Variants in GRM1 observed in about 807,000 individuals in gnomAD.
The protein encoded by GRM1 is glutamate metabotropic receptor 1.
Under a neutral mutation model 90.9 loss-of-function variants are expected in GRM1, and 33 were observed. The ratio of observed to expected loss-of-function variants is 0.36; its 90% CI spans 0.28 to 0.49. The LOEUF is 0.49. Among genes scored for constraint, GRM1 ranks in the 20% least tolerant of loss-of-function variants. The pLI is 0.99. For synonymous variants in GRM1, 700 were observed against 613.2 expected (o/e 1.14, Z -2.09); for missense variants, 1,190 against 1,534.3 (o/e 0.78, Z 3.75).
intron 1 of GRM1, among the ~76,000 whole-genome samples, chr6:146,106,272 C>A (rs560818135): frequency 6.6e-5 from 10 of 152,316 alleles, no homozygotes; most frequent in African/African-American, 2.4e-4. Context: ...AGAAGGTCAA[C>A]TGGATCACCT....
intron 1 of GRM1, among the ~76,000 whole-genome samples, chr6:146,054,792 GA>G (rs1488886240): frequency 6.6e-6 from 1 of 152,090 alleles, no homozygotes; most frequent in Non-Finnish European, 1.5e-5. Flanking sequence ...TCAACTGACA[GA>G]ACAACATATG....
intron 6 of GRM1, among the ~76,000 whole-genome samples, chr6:146,388,155 G>A (rs1424437660): frequency 6.6e-6 from 1 of 152,054 alleles, no homozygotes; most frequent in Non-Finnish European, 1.5e-5. Context: ...AGGAGCCATA[G>A]AGGCTTTTTT....
At position 146,419,225 on chromosome 6, in the gene GRM1, A is replaced by G. The variant is rs1777902085; in HGVS notation, c.2661-14647A>G. Among the ~76,000 whole-genome samples the G allele has an allele frequency of 2.6e-5, 4 of 152,318 alleles. No individual in the cohort carries two copies. In the South Asian group the frequency reaches 8.3e-4, roughly 32 times the overall value. ...GACGGAAGAAAAATATTAAGATATC[A>G]TTTTACAATCCTTGGTTTGGCAAAA... is the stretch of plus-strand genomic sequence containing the variant. On this transcript the variant is annotated intron_variant, in intron 7 of 7. Coordinates refer to ENST00000282753, the MANE Select transcript of GRM1 (RefSeq NM_001278064.2).
At chr6:146,430,657 TC>T (rs1339409751) in intron 7 of GRM1, among the ~76,000 whole-genome samples, 8 of 152,264 alleles carry the variant, frequency 5.3e-5, no homozygotes, top group African/African-American at 1.9e-4. Flanking sequence ...ATTTATTCTT[TC>T]TTGATATAAA....
At chr6:146,246,562 C>T (rs6918128) in intron 2 of GRM1, among the ~76,000 whole-genome samples, 9,278 of 152,276 alleles carry the variant, frequency 0.061, 939 homozygotes, top group African/African-American at 0.21. Flanking sequence ...ACAGAATCCA[C>T]AGAAAGGTCA....
intron 3 of GRM1, among the ~76,000 whole-genome samples, chr6:146,322,152 G>A (rs1263027497): frequency 1.3e-5 from 2 of 152,120 alleles, no homozygotes; most frequent in African/African-American, 2.4e-5. Context: ...TAACAGTCAG[G>A]CCCCTCTGCT....
chr6:146,332,307 T>G (rs1368588179), intron 3 of GRM1, among the ~76,000 whole-genome samples: 3 of 152,162 alleles, frequency 2.0e-5, no homozygotes, highest in Non-Finnish European at 4.4e-5. Context: ...TTGTTTAGCA[T>G]CTCATAAGGC....
At position 146,029,369 on chromosome 6, in the gene GRM1, G is replaced by A. The variant is rs1388711391; in HGVS notation, c.-149G>A. 1 of 724,926 alleles carries A rather than the reference G, an allele frequency of 1.4e-6. No individual in the cohort carries two copies. Among genetic ancestry groups the A allele is most frequent in the African/African-American group, 1.7e-5 (1 of 57,268 alleles). The allele number at this position is 724,926 out of a possible 1,614,324, so 44.9% of individuals were successfully genotyped here. On this transcript the variant is annotated 5_prime_UTR_variant, in exon 1 of 8. Coordinates refer to ENST00000282753, the MANE Select transcript of GRM1 (RefSeq NM_001278064.2). ...CGAAGGGGAAGGAGGCGGTGGTGGA[G>A]GAGGCAAAGGCCTTGGACGACCATT...
intron 6 of GRM1, among the ~76,000 whole-genome samples, chr6:146,387,511 C>T (rs970185611): frequency 2.0e-5 from 3 of 151,356 alleles, no homozygotes; most frequent in South Asian, 2.1e-4. Flanking sequence ...CTATCAGGAA[C>T]GAAACATGAA....
intron 2 of GRM1, among the ~76,000 whole-genome samples, chr6:146,207,941 G>C (rs1408901883): frequency 6.6e-6 from 1 of 152,008 alleles, no homozygotes; most frequent in East Asian, 1.9e-4. Context: ...GAATTTATAG[G>C]CATTTTTATC....
intron 7 of GRM1, among the ~76,000 whole-genome samples, chr6:146,430,531 G>A (rs896378397): frequency 6.6e-6 from 1 of 152,188 alleles, no homozygotes; most frequent in Non-Finnish European, 1.5e-5. Flanking sequence ...AGATTAGGAA[G>A]CCAAATAAAA....
intron 3 of GRM1, among the ~76,000 whole-genome samples, chr6:146,332,947 C>T (rs924501288): frequency 6.6e-6 from 1 of 152,168 alleles, no homozygotes; most frequent in African/African-American, 2.4e-5. Context: ...TGGATTGCCT[C>T]TTAACATGAG....
At chr6:146,341,076 G>A (rs1207478302) in intron 3 of GRM1, among the ~76,000 whole-genome samples, 6 of 152,200 alleles carry the variant, frequency 3.9e-5, no homozygotes, top group African/African-American at 1.4e-4. Flanking sequence ...TTTGTACCCA[G>A]AACCAGGACT....
intron 2 of GRM1, among the ~76,000 whole-genome samples, chr6:146,236,782 G>A (rs886731164): frequency 6.6e-6 from 1 of 150,852 alleles, no homozygotes; most frequent in African/African-American, 2.5e-5. Flanking sequence ...GAAGGATCCA[G>A]GTAGGCCTTC....
intron 2 of GRM1, among the ~76,000 whole-genome samples, chr6:146,194,560 A>G (rs954163753): frequency 6.6e-6 from 1 of 152,190 alleles, no homozygotes; most frequent in African/African-American, 2.4e-5. Flanking sequence ...TAATGTCTGG[A>G]AGCAGCACTC....
intron 2 of GRM1, among the ~76,000 whole-genome samples, chr6:146,222,443 A>G (rs1380494035): frequency 6.6e-6 from 1 of 152,008 alleles, no homozygotes; most frequent in African/African-American, 2.4e-5. Flanking sequence ...GCAAAATCCC[A>G]AGATCTGCTG....
At chr6:146,073,848 C>T (rs1473583114) in intron 1 of GRM1, among the ~76,000 whole-genome samples, 2 of 151,996 alleles carry the variant, frequency 1.3e-5, no homozygotes, top group African/African-American at 2.4e-5. Context: ...AAAAAATAAA[C>T]GTGTGGATCA....
At chr6:146,078,757 T>A (rs1776269902) in intron 1 of GRM1, among the ~76,000 whole-genome samples, 2 of 152,194 alleles carry the variant, frequency 1.3e-5, no homozygotes, top group Admixed American at 1.3e-4. Context: ...AATCATGTAG[T>A]TTGTTCTTGT....
rs1006957966 is a variant in GRM1, at chr6:146,435,611, A to T, written c.*815A>T. 2 of 152,490 alleles carry T rather than the reference A, an allele frequency of 1.3e-5. No individual in the cohort carries two copies. Among genetic ancestry groups the T allele is most frequent in the African/African-American group, 4.8e-5 (2 of 41,388 alleles). 9.4% of individuals were successfully genotyped at this position (152,490 alleles called of 1,614,324 possible). A position where few individuals can be genotyped will look rare whatever the true frequency, so the allele number is the denominator to read the frequency against. Reference sequence around the variant, plus strand: ...GCTAGAAATAGAACAATCCATCAGCATGAGACTTTGAAAAAAAAACACATG... The same window carrying T: ...GCTAGAAATAGAACAATCCATCAGCTTGAGACTTTGAAAAAAAAACACATG... On this transcript the variant is annotated 3_prime_UTR_variant, in exon 8 of 8. Coordinates refer to ENST00000282753, the MANE Select transcript of GRM1 (RefSeq NM_001278064.2).
Sources: allele counts gnomAD v4.1 joint callset (sites outside exome capture counted in the v4.1 genomes callset), GRCh38; gene constraint gnomAD v4.1.1; transcripts MANE v1.5; gene names NCBI Gene and HGNC (gene_info 2026-07-23, HGNC 2026-07-21).